Variants in MACROD2 observed in about 807,000 individuals in gnomAD.
MACROD2 encodes mono-ADP ribosylhydrolase 2.
A neutral mutation model predicts 70.4 loss-of-function variants in MACROD2; 36 were observed. That is an observed-to-expected ratio of 0.51 (90% confidence interval 0.39 to 0.68). MACROD2 has a LOEUF of 0.68. MACROD2 is among the 30% of genes least tolerant of loss of function. The pLI is 0.00. For missense variants in MACROD2, 496 were observed against 538.4 expected (o/e 0.92, Z 0.78); for synonymous variants, 172 against 178.8 (o/e 0.96, Z 0.30).
intron 4 of MACROD2, among the ~76,000 whole-genome samples, chr20:14,504,185 C>T (rs905429947): frequency 6.6e-6 from 1 of 152,242 alleles, no homozygotes; most frequent in Admixed American, 6.5e-5. Context: ...CACCTACCAA[C>T]TAGCTGTTGG....
At position 14,575,843 on chromosome 20, in the gene MACROD2, A is replaced by T. The variant is rs185026987; in HGVS notation, c.301+82335A>T. ...ATGACCTTTATAATAAACACATTTT[A>T]TTGCTTAAATTTAGTGCAGTAAGAT... On this transcript the variant is annotated intron_variant, in intron 4 of 17. Coordinates refer to ENST00000684519, the MANE Select transcript of MACROD2 (RefSeq NM_001351661.2). Among the ~76,000 whole-genome samples, 5 of 152,300 alleles carry T rather than the reference A, an allele frequency of 3.3e-5. No homozygotes were observed. In the East Asian group the frequency reaches 9.6e-4, roughly 29 times the overall value.
intron 7 of MACROD2, among the ~76,000 whole-genome samples, chr20:15,474,325 C>A (rs894152849): frequency 6.6e-6 from 1 of 151,960 alleles, no homozygotes; most frequent in Non-Finnish European, 1.5e-5. Context: ...TTTTTATTAT[C>A]CCTTAGGATG....
At chr20:14,450,420 A>G (rs2084232718) in intron 3 of MACROD2, among the ~76,000 whole-genome samples, 1 of 152,094 alleles carries the variant, frequency 6.6e-6, no homozygotes, top group African/African-American at 2.4e-5. Flanking sequence ...ATGAGGAGAG[A>G]GAAAAGGAGT....
intron 5 of MACROD2, among the ~76,000 whole-genome samples, chr20:14,888,865 G>T (rs991903535): frequency 6.6e-6 from 1 of 152,090 alleles, no homozygotes; most frequent in Admixed American, 6.6e-5. Context: ...ATTCTTTCCA[G>T]TATCATAACA....
intron 7 of MACROD2, among the ~76,000 whole-genome samples, chr20:15,436,735 G>A (rs1227944374): frequency 1.3e-5 from 2 of 151,914 alleles, no homozygotes; most frequent in Non-Finnish European, 2.9e-5. Flanking sequence ...TTTTTTATTA[G>A]GGTTTGACGT....
intron 5 of MACROD2, 187 bp downstream of exon 5, chr20:14,685,146 T>C: frequency 3.1e-6 from 1 of 325,510 alleles, no homozygotes; most frequent in Non-Finnish European, 5.6e-6. Context: ...ATATATAAAA[T>C]ATACATATAC....
intron 10 of MACROD2, among the ~76,000 whole-genome samples, chr20:15,910,393 CATGTGTGTGT>C (rs1222458198): frequency 1.9e-5 from 2 of 105,668 alleles, no homozygotes; most frequent in Non-Finnish European, 4.1e-5. Context: ...AGTCAGAGGA[CATGTGTGTGT>C]GTGTGTGTGT....
At chr20:16,047,753 C>CA (rs1267740241) in intron 17 of MACROD2, among the ~76,000 whole-genome samples, 5 of 152,194 alleles carry the variant, frequency 3.3e-5, no homozygotes, top group Non-Finnish European at 5.9e-5. Flanking sequence ...GTGAATCACT[C>CA]ATGTTATAAG....
intron 3 of MACROD2, among the ~76,000 whole-genome samples, chr20:14,257,194 CGAT>C (rs1434330568): frequency 6.6e-6 from 1 of 152,134 alleles, no homozygotes; most frequent in East Asian, 1.9e-4. Flanking sequence ...CCTCCCATGA[CGAT>C]GATGATTGGT....
chr20:15,592,812 T>C (rs1358921014), intron 8 of MACROD2, among the ~76,000 whole-genome samples: 1 of 152,230 alleles, frequency 6.6e-6, no homozygotes, highest in Non-Finnish European at 1.5e-5. Flanking sequence ...TGGAGAGTGG[T>C]GAAAACATCT....
chr20:14,094,992 T>G (rs1001400630), intron 3 of MACROD2, among the ~76,000 whole-genome samples: 3 of 152,162 alleles, frequency 2.0e-5, no homozygotes, highest in Non-Finnish European at 2.9e-5. Flanking sequence ...CCTAAAATAT[T>G]ACTTCTCTAA....
intron 8 of MACROD2, among the ~76,000 whole-genome samples, chr20:15,598,361 T>C (rs2048773396): frequency 6.6e-6 from 1 of 152,190 alleles, no homozygotes. Flanking sequence ...AATGCCTTTC[T>C]CTAAACGCTT....
chr20:15,895,744 G>C (rs765425943), intron 10 of MACROD2, among the ~76,000 whole-genome samples: 3 of 152,218 alleles, frequency 2.0e-5, no homozygotes, highest in Non-Finnish European at 1.5e-5. Flanking sequence ...TGTACAGCCT[G>C]AGTTCCACAG....
chr20:14,557,354 CA>C (rs1430103973), intron 4 of MACROD2, among the ~76,000 whole-genome samples: 3 of 151,804 alleles, frequency 2.0e-5, no homozygotes, highest in Non-Finnish European at 2.9e-5. Context: ...GCACTGACAA[CA>C]AAAAGAAAGA....
chr20:15,974,830 T>G (rs1186393114), intron 13 of MACROD2, among the ~76,000 whole-genome samples: 2 of 152,282 alleles, frequency 1.3e-5, no homozygotes, highest in Admixed American at 6.5e-5. Flanking sequence ...CAGGATGGTA[T>G]GCATATGTTA....
chr20:14,001,271 G>T (rs1368001401), intron 1 of MACROD2, among the ~76,000 whole-genome samples: 7 of 152,176 alleles, frequency 4.6e-5, no homozygotes, highest in Admixed American at 4.6e-4. Context: ...TTATTAGGAA[G>T]ATTATTTTAA....
intron 3 of MACROD2, among the ~76,000 whole-genome samples, chr20:14,291,007 C>T (rs947002347): frequency 6.6e-6 from 1 of 152,132 alleles, no homozygotes; most frequent in South Asian, 2.1e-4. Flanking sequence ...ATTTGTTATT[C>T]CTTAAAGACA....
intron 5 of MACROD2, among the ~76,000 whole-genome samples, chr20:15,003,663 A>T (rs2075013101): frequency 6.6e-6 from 1 of 152,118 alleles, no homozygotes; most frequent in Admixed American, 6.5e-5. Flanking sequence ...TTTGGAAGAC[A>T]TTTGGGCTAT....
chr20:14,830,911 C>A (rs373928976), intron 5 of MACROD2, among the ~76,000 whole-genome samples: 1 of 152,096 alleles, frequency 6.6e-6, no homozygotes, highest in Non-Finnish European at 1.5e-5. Context: ...TTAAATTTAT[C>A]CTTAAAATAT....
Sources: allele counts gnomAD v4.1 joint callset (sites outside exome capture counted in the v4.1 genomes callset), GRCh38; gene constraint gnomAD v4.1.1; transcripts MANE v1.5; gene names NCBI Gene and HGNC (gene_info 2026-07-23, HGNC 2026-07-21).